The following OR2L13 variants were observed in gnomAD, a reference collection of about 807,000 sequenced individuals.
The protein encoded by OR2L13 is olfactory receptor 2L13.
OR2L13 carries 14 observed loss-of-function variants against 15.3 expected under a neutral mutation model. The ratio of observed to expected loss-of-function variants is 0.91; its 90% CI spans 0.60 to 1.43. The LOEUF is 1.43. Ranked by LOEUF, OR2L13 falls within the 40% of genes most tolerant of loss-of-function variation. The pLI, the probability that OR2L13 is intolerant of heterozygous loss-of-function variation, is 0.00. For synonymous variants in OR2L13, 152 were observed against 142.9 expected (o/e 1.06, Z -0.45); for missense variants, 367 against 387.9 (o/e 0.95, Z 0.45).
the OR2L13 span, among the ~76,000 whole-genome samples, chr1:248,078,523 A>G: frequency 4.7e-4 from 71 of 152,056 alleles, 1 homozygote; most frequent in African/African-American, 1.6e-3. Flanking sequence ...CTGTTTTGGA[A>G]AAAAAAGGGG....
the OR2L13 span, among the ~76,000 whole-genome samples, chr1:248,033,031 A>G: frequency 2.6e-5 from 4 of 152,214 alleles, no homozygotes; most frequent in African/African-American, 9.7e-5. Flanking sequence ...CAATGGTTTG[A>G]CTTACAATAT....
chr1:247,958,094 C>T, the OR2L13 span, among the ~76,000 whole-genome samples: 1 of 152,056 alleles, frequency 6.6e-6, no homozygotes, highest in African/African-American at 2.4e-5. Context: ...TATTAATTTC[C>T]CTCTACATAC....
At chr1:247,953,753 C>T in the OR2L13 span, among the ~76,000 whole-genome samples, 2 of 152,096 alleles carry the variant, frequency 1.3e-5, no homozygotes, top group African/African-American at 2.4e-5. Context: ...AATACTCTTT[C>T]GGTACCCTCC....
the OR2L13 span, among the ~76,000 whole-genome samples, chr1:247,969,000 A>G: frequency 1.3e-5 from 2 of 151,954 alleles, no homozygotes; most frequent in South Asian, 2.1e-4. Flanking sequence ...ATCCTCTCCA[A>G]CATCTGTTGT....
At chr1:248,038,650 C>G in the OR2L13 span, 2 of 1,614,174 alleles carry the variant, frequency 1.2e-6, no homozygotes, top group Non-Finnish European at 1.7e-6. Context: ...ATTTGCTTTC[C>G]TCTCCACTAT....
chr1:248,070,988 C>G, the OR2L13 span, among the ~76,000 whole-genome samples: 2 of 152,110 alleles, frequency 1.3e-5, no homozygotes, highest in Non-Finnish European at 2.9e-5. Flanking sequence ...TAATCAATAG[C>G]TTACCAACCA....
the OR2L13 span, among the ~76,000 whole-genome samples, chr1:248,010,664 C>T: frequency 6.6e-6 from 1 of 151,100 alleles, no homozygotes; most frequent in Non-Finnish European, 1.5e-5. Flanking sequence ...GTATTGATCC[C>T]TTTACCACTA....
At chr1:248,042,537 G>A in the OR2L13 span, among the ~76,000 whole-genome samples, 5 of 151,188 alleles carry the variant, frequency 3.3e-5, no homozygotes, top group Non-Finnish European at 4.4e-5. Flanking sequence ...TAAATAAATT[G>A]CAAAAAAACA....
chr1:248,011,778 T>A, the OR2L13 span, among the ~76,000 whole-genome samples: 1 of 152,202 alleles, frequency 6.6e-6, no homozygotes, highest in African/African-American at 2.4e-5. Context: ...CATTTTGGTC[T>A]GTTACCACTC....
the OR2L13 span, among the ~76,000 whole-genome samples, chr1:247,958,599 G>A: frequency 3.7e-4 from 56 of 152,196 alleles, no homozygotes; most frequent in Admixed American, 5.9e-4. Flanking sequence ...AGGTCTCTAC[G>A]GACTTGCTTT....
chr1:247,949,390 G>A, the OR2L13 span: 2 of 1,614,110 alleles, frequency 1.2e-6, no homozygotes, highest in South Asian at 2.2e-5. Context: ...CATTTCTTCT[G>A]TGATGTCCCA....
the OR2L13 span, chr1:248,004,110 C>T: frequency 6.6e-7 from 1 of 1,508,052 alleles, no homozygotes; most frequent in Non-Finnish European, 9.0e-7. Flanking sequence ...AGATACACAT[C>T]CATTCAGCAG....
At chr1:248,014,974 C>G in the OR2L13 span, among the ~76,000 whole-genome samples, 1 of 152,190 alleles carries the variant, frequency 6.6e-6, no homozygotes, top group Non-Finnish European at 1.5e-5. Flanking sequence ...TTCATACTCA[C>G]TTTCATAATC....
chr1:247,968,155 A>G, the OR2L13 span, among the ~76,000 whole-genome samples: 1 of 152,102 alleles, frequency 6.6e-6, no homozygotes, highest in East Asian at 1.9e-4. Flanking sequence ...CATAATAACC[A>G]TAAATAATAA....
chr1:247,980,203 G>A, the OR2L13 span, among the ~76,000 whole-genome samples: 5,905 of 152,036 alleles, frequency 0.039, 354 homozygotes, highest in African/African-American at 0.13. Flanking sequence ...ATCAATAGTT[G>A]CATCATTTTT....
chr1:248,042,688 G>A, the OR2L13 span, among the ~76,000 whole-genome samples: 2,830 of 152,074 alleles, frequency 0.019, 37 homozygotes, highest in Middle Eastern at 0.038. Context: ...GTTAACTTAG[G>A]TCTTTTGTTC....
the OR2L13 span, among the ~76,000 whole-genome samples, chr1:247,954,339 A>T: frequency 6.6e-6 from 1 of 152,214 alleles, no homozygotes; most frequent in Non-Finnish European, 1.5e-5. Context: ...ACAGCATGGT[A>T]AGAAAATGCA....
At chr1:248,085,058 A>G in the OR2L13 span, among the ~76,000 whole-genome samples, 1 of 152,166 alleles carries the variant, frequency 6.6e-6, no homozygotes, top group African/African-American at 2.4e-5. Context: ...ATAGGCAAAG[A>G]TTCTACCTAA....
At chr1:248,100,857 A>G (rs923152886) in exon 3 of OR2L13, 37 of 167,098 alleles carry the variant, frequency 2.2e-4, no homozygotes, top group African/African-American at 8.9e-4. Flanking sequence ...ATACAAACAT[A>G]TTTTTGTTAT....
Sources: allele counts gnomAD v4.1 joint callset (sites outside exome capture counted in the v4.1 genomes callset), GRCh38; gene constraint gnomAD v4.1.1; transcripts MANE v1.5; gene names NCBI Gene and HGNC (gene_info 2026-07-23, HGNC 2026-07-21).